The following SPATA22 variants were observed in gnomAD, a reference collection of about 807,000 sequenced individuals.
SPATA22 encodes spermatogenesis-associated protein 22.
In SPATA22, 29 loss-of-function variants were observed where a neutral mutation model predicts 47.8. The ratio of observed to expected loss-of-function variants is 0.61; its 90% CI spans 0.45 to 0.83. The LOEUF (loss-of-function observed/expected upper bound fraction) is 0.83. Ranked by LOEUF, SPATA22 falls within the 40% of genes least tolerant of loss-of-function variation. The pLI, the probability that SPATA22 is intolerant of heterozygous loss-of-function variation, is 0.00. For missense variants in SPATA22, 410 were observed against 421.7 expected (o/e 0.97, Z 0.24); for synonymous variants, 133 against 140.9 (o/e 0.94, Z 0.40).
intron 1 of SPATA22, among the ~76,000 whole-genome samples, chr17:3,484,047 G>T (rs1219647560): frequency 1.3e-5 from 2 of 152,150 alleles, no homozygotes; most frequent in Non-Finnish European, 2.9e-5. Flanking sequence ...CTCCAGGCAG[G>T]CTCTAATTGT....
At chr17:3,464,393 G>A (rs1265611506) in intron 3 of SPATA22, among the ~76,000 whole-genome samples, 36 of 140,914 alleles carry the variant, frequency 2.6e-4, no homozygotes, top group African/African-American at 6.8e-4. Context: ...GCCTCTGCCC[G>A]GCCGCCACCC....
Position 3,462,473 on chromosome 17 carries a change from G to A in SPATA22, c.329+10C>T. The A allele has an allele frequency of 6.4e-7, 1 of 1,567,252 alleles. No individual in the cohort carries two copies. Among genetic ancestry groups the A allele is most frequent in the Non-Finnish European group, 8.6e-7 (1 of 1,157,726 alleles). On this transcript the variant is annotated intron_variant, in intron 5 of 8. Transcript: ENST00000572969. ...GAATAGAAGAAGAAAGAAATTTTAAGTAGACTCACCTCCAACCACCCTGGC... is the reference window on the plus strand; with the variant it reads ...GAATAGAAGAAGAAAGAAATTTTAAATAGACTCACCTCCAACCACCCTGGC...
chr17:3,499,262 T>C (rs2073962094), intron 1 of SPATA22: 2 of 555,058 alleles, frequency 3.6e-6, no homozygotes, highest in South Asian at 3.1e-5. Flanking sequence ...TTTAAAGATA[T>C]CATATTTTAT....
At chr17:3,471,835 G>C, upstream of SPATA22, 1 of 985,020 alleles carries the variant, frequency 1.0e-6, no homozygotes, top group Non-Finnish European at 1.2e-6. Flanking sequence ...GTTCGCAGGC[G>C]CCGTGGACCG....
rs1240160050 is a variant in SPATA22 at position 3,509,113 on chromosome 17, T to G, written c.-74+4299A>C. Among the ~76,000 whole-genome samples the G allele has an allele frequency of 3.9e-5, 6 of 152,014 alleles. 1 individual carries two copies. Among genetic ancestry groups the G allele is most frequent in the Non-Finnish European group, 8.8e-5 (6 of 68,006 alleles). On this transcript the variant is annotated intron_variant, in intron 1 of 8. Coordinates refer to the SPATA22 transcript ENST00000541913. ...CAGGAGGGATTTATACCTTCTGTTC[T>G]CCAGGTGGAACCATGGGTTTCTATT... is the stretch of plus-strand genomic sequence containing the variant.
intron 1 of SPATA22, chr17:3,494,391 A>G (rs755287107): frequency 1.2e-6 from 2 of 1,613,120 alleles, no homozygotes; most frequent in Admixed American, 3.3e-5. Context: ...CTATAAAATT[A>G]TAGAGAAAGT....
chr17:3,449,378 C>A (rs987899007), intron 5 of SPATA22, among the ~76,000 whole-genome samples: 3 of 152,138 alleles, frequency 2.0e-5, no homozygotes, highest in African/African-American at 7.2e-5. Flanking sequence ...CAAAGTCATA[C>A]AGGAAATTAC....
chr17:3,443,734 T>C (rs765952672), intron 7 of SPATA22, among the ~76,000 whole-genome samples: 2 of 152,012 alleles, frequency 1.3e-5, no homozygotes, highest in Non-Finnish European at 2.9e-5. Context: ...AAACTGGGTA[T>C]TAAATTTATT....
intron 5 of SPATA22, among the ~76,000 whole-genome samples, chr17:3,452,895 T>A (rs1378205834): frequency 6.6e-6 from 1 of 152,014 alleles, no homozygotes; most frequent in Non-Finnish European, 1.5e-5. Flanking sequence ...ATCAAAAACC[T>A]CTCAACAAAG....
chr17:3,496,403 G>GTTCCAATT (rs1173455809), intron 1 of SPATA22, among the ~76,000 whole-genome samples: 1 of 152,190 alleles, frequency 6.6e-6, no homozygotes, highest in East Asian at 1.9e-4. Flanking sequence ...CAATTAGACG[G>GTTCCAATT]AGTGGTCACA....
intron 1 of SPATA22, among the ~76,000 whole-genome samples, chr17:3,495,252 A>C (rs1282070765): frequency 6.6e-6 from 1 of 152,202 alleles, no homozygotes; most frequent in Admixed American, 6.5e-5. Context: ...CTGGTGGATT[A>C]TCTAGTCCAG....
At chr17:3,504,562 T>C (rs201507567) in intron 1 of SPATA22, among the ~76,000 whole-genome samples, 73,080 of 143,760 alleles carry the variant, frequency 0.51, 20,230 homozygotes, top group South Asian at 0.73. Flanking sequence ...TTCTTTTTTT[T>C]TTTTTTTTTT....
chr17:3,489,808 C>T (rs2073792000), intron 1 of SPATA22, among the ~76,000 whole-genome samples: 1 of 152,302 alleles, frequency 6.6e-6, no homozygotes, highest in Admixed American at 6.5e-5. Context: ...GATAATCTTA[C>T]AGCATCCACT....
At chr17:3,474,548 A>G, upstream of SPATA22, among the ~76,000 whole-genome samples, 1 of 152,182 alleles carries the variant, frequency 6.6e-6, no homozygotes, top group East Asian at 1.9e-4. Flanking sequence ...TTCAGTGTAC[A>G]TGGATGTGGA....
intron 1 of SPATA22, among the ~76,000 whole-genome samples, chr17:3,492,527 G>C (rs1460502157): frequency 2.0e-5 from 3 of 152,170 alleles, no homozygotes; most frequent in Non-Finnish European, 4.4e-5. Flanking sequence ...TTCAGAGATA[G>C]AGTCTATTTT....
At chr17:3,476,317 C>T, upstream of SPATA22, 6 of 1,614,194 alleles carry the variant, frequency 3.7e-6, no homozygotes, top group Non-Finnish European at 5.1e-6. Flanking sequence ...CCATTTATTA[C>T]TAACCCCAGA....
chr17:3,494,265 A>G, intron 1 of SPATA22: 1 of 1,054,526 alleles, frequency 9.5e-7, no homozygotes. Flanking sequence ...CGGCCTCCCA[A>G]AGTGCTGGGA....
intron 1 of SPATA22, chr17:3,512,650 C>T (rs893400428): frequency 1.8e-4 from 27 of 152,076 alleles, no homozygotes; most frequent in African/African-American, 6.0e-4. Flanking sequence ...CCCCAGTCAC[C>T]TGGAAAATCC....
chr17:3,477,059 G>T (rs1464979300), intron 1 of SPATA22, among the ~76,000 whole-genome samples: 2 of 152,218 alleles, frequency 1.3e-5, no homozygotes, highest in Non-Finnish European at 2.9e-5. Flanking sequence ...GGAGGCTGAG[G>T]CAGGAGAATG....
Sources: gnomAD v4.1 joint callset for allele counts (sites outside exome capture counted in the v4.1 genomes callset) on GRCh38, gnomAD v4.1.1 for gene constraint, MANE v1.5 for transcripts, NCBI Gene and HGNC (gene_info 2026-07-23, HGNC 2026-07-21) for gene names.